FAM110B: variants seen among roughly 807,000 people sequenced by gnomAD.
FAM110B encodes protein FAM110B.
Under a neutral mutation model 20.4 loss-of-function variants are expected in FAM110B, and 6 were observed. The ratio of observed to expected loss-of-function variants is 0.29; its 90% CI spans 0.16 to 0.58. FAM110B has a LOEUF of 0.58. Ranked by LOEUF, FAM110B falls within the 20% of genes least tolerant of loss-of-function variation. The pLI is 0.90. For missense variants in FAM110B, 434 were observed against 498.2 expected (o/e 0.87, Z 1.23); for synonymous variants, 226 against 214.1 (o/e 1.06, Z -0.49).
intron 3 of FAM110B, among the ~76,000 whole-genome samples, chr8:58,145,214 C>T (rs1449527584): frequency 6.6e-6 from 1 of 151,712 alleles, no homozygotes; most frequent in African/African-American, 2.4e-5. Context: ...AAAAAATAAG[C>T]TTGTGTTTAA....
At chr8:57,996,748 G>T (rs1263657390) in intron 1 of FAM110B, among the ~76,000 whole-genome samples, 1 of 152,174 alleles carries the variant, frequency 6.6e-6, no homozygotes, top group Non-Finnish European at 1.5e-5. Flanking sequence ...ATTCCCAATG[G>T]AAAGAACCGT....
At chr8:57,999,897 G>A (rs1804258703) in intron 1 of FAM110B, among the ~76,000 whole-genome samples, 1 of 152,058 alleles carries the variant, frequency 6.6e-6, no homozygotes, top group Non-Finnish European at 1.5e-5. Context: ...GGGCATGTGT[G>A]GGACTAAATA....
At chr8:58,012,447 T>C (rs1804557428) in intron 1 of FAM110B, among the ~76,000 whole-genome samples, 1 of 152,170 alleles carries the variant, frequency 6.6e-6, no homozygotes, top group Non-Finnish European at 1.5e-5. Context: ...TGGGCAATGT[T>C]TTAATCTTTA....
intron 3 of FAM110B, among the ~76,000 whole-genome samples, chr8:58,144,628 A>C (rs548042389): frequency 6.6e-6 from 1 of 152,236 alleles, no homozygotes; most frequent in African/African-American, 2.4e-5. Flanking sequence ...ATACCAGCAG[A>C]TGTGGTTGTA....
intron 3 of FAM110B, among the ~76,000 whole-genome samples, chr8:58,116,094 A>G (rs913661370): frequency 6.6e-6 from 1 of 152,220 alleles, no homozygotes; most frequent in Non-Finnish European, 1.5e-5. Flanking sequence ...ATACATACGT[A>G]CATACATACA....
At chr8:58,082,487 T>C (rs577113715) in intron 3 of FAM110B, among the ~76,000 whole-genome samples, 1 of 152,352 alleles carries the variant, frequency 6.6e-6, no homozygotes, top group East Asian at 1.9e-4. Flanking sequence ...GAGTTCCTTA[T>C]GACTGTGAGC....
intron 1 of FAM110B, among the ~76,000 whole-genome samples, chr8:58,027,611 C>T (rs982185436): frequency 7.9e-5 from 12 of 152,170 alleles, no homozygotes; most frequent in Non-Finnish European, 1.6e-4. Flanking sequence ...TCCCTTCCCC[C>T]ACACTGTGAC....
At chr8:58,043,399 A>G (rs1353696161) in intron 2 of FAM110B, 3 of 150,834 alleles carry the variant, frequency 2.0e-5, no homozygotes, top group Non-Finnish European at 4.4e-5. Context: ...TCTGCTGAAA[A>G]CTTCCCTGTT....
intron 3 of FAM110B, among the ~76,000 whole-genome samples, chr8:58,094,233 C>A (rs574740233): frequency 2.6e-5 from 4 of 152,226 alleles, no homozygotes; most frequent in African/African-American, 9.6e-5. Flanking sequence ...ATTTCAATAC[C>A]CTTTATTTCT....
In FAM110B at chr8:58,028,755, G is replaced by A. The variant is rs536917120; in HGVS notation, c.-511-2851G>A. On this transcript the variant is annotated intron_variant, in intron 1 of 3. Transcript: ENST00000519262. ...TGCATGTGTGCTTTTTTGGGCATGCGTAGAGGAGTTCTTCTGTCATCTGTT... is the reference window on the plus strand; with the variant it reads ...TGCATGTGTGCTTTTTTGGGCATGCATAGAGGAGTTCTTCTGTCATCTGTT... 5.9e-5 allele frequency among the ~76,000 whole-genome samples: 9 copies of A among 152,272 alleles called. No homozygotes were observed. The East Asian group carries it at 1.2e-3, about 20-fold the overall frequency.
At chr8:58,118,543 C>T (rs1269854027) in intron 3 of FAM110B, among the ~76,000 whole-genome samples, 1 of 152,168 alleles carries the variant, frequency 6.6e-6, no homozygotes, top group Non-Finnish European at 1.5e-5. Context: ...CAGATGCTTA[C>T]TTCTAAGGCA....
chr8:58,014,211 C>T (rs1804595294), intron 1 of FAM110B, among the ~76,000 whole-genome samples: 1 of 152,136 alleles, frequency 6.6e-6, no homozygotes, highest in Admixed American at 6.5e-5. Context: ...CCTGGGCCTC[C>T]CTCTGCCTAG....
At chr8:58,021,908 C>T (rs763187718) in intron 1 of FAM110B, among the ~76,000 whole-genome samples, 16 of 152,142 alleles carry the variant, frequency 1.1e-4, no homozygotes, top group Non-Finnish European at 1.8e-4. Flanking sequence ...GTTCAATCTG[C>T]GGTGAAACCT....
At chr8:58,127,692 C>G (rs1807543603) in intron 3 of FAM110B, among the ~76,000 whole-genome samples, 1 of 152,152 alleles carries the variant, frequency 6.6e-6, no homozygotes, top group Admixed American at 6.5e-5. Context: ...GTTAAAAATA[C>G]TATACCATTT....
intron 2 of FAM110B, among the ~76,000 whole-genome samples, chr8:58,042,841 A>G (rs182782456): frequency 7.1e-4 from 108 of 152,344 alleles, no homozygotes; most frequent in African/African-American, 2.5e-3. Context: ...GCAAATTAAC[A>G]TGCCAGGACT....
chr8:58,018,821 G>A (rs1219514327), intron 1 of FAM110B, among the ~76,000 whole-genome samples: 1 of 151,416 alleles, frequency 6.6e-6, no homozygotes, highest in Admixed American at 6.6e-5. Flanking sequence ...TAGATAGATA[G>A]ATAGATAGAT....
In FAM110B at chr8:58,147,911, A is replaced by T. The variant is rs1339973042; in HGVS notation, c.*568A>T. 1 of 169,714 alleles carries T rather than the reference A, an allele frequency of 5.9e-6. No individual in the cohort carries two copies. The highest frequency in any genetic ancestry group is 2.0e-4 in the South Asian group (1 of 5,022). The allele number at this position is 169,714 out of a possible 1,614,324, so 10.5% of individuals were successfully genotyped here. A position where few individuals can be genotyped will look rare whatever the true frequency, so the allele number is the denominator to read the frequency against. ...TCTCTTGCCACTTAGTGAAGCAGTC[A>T]TTGGGGTAACAATGCTACGTTTTGT... On this transcript the variant is annotated 3_prime_UTR_variant, in exon 4 of 4. Coordinates refer to ENST00000519262, the MANE Select transcript of FAM110B (RefSeq NM_001377989.1).
chr8:58,143,466 A>T (rs576722526), intron 3 of FAM110B, among the ~76,000 whole-genome samples: 2 of 152,358 alleles, frequency 1.3e-5, no homozygotes, highest in Non-Finnish European at 2.9e-5. Context: ...GAAGTATGAA[A>T]TACTTGCAGA....
intron 2 of FAM110B, among the ~76,000 whole-genome samples, chr8:58,059,988 A>C (rs9694113): frequency 0.062 from 9,401 of 152,196 alleles, 411 homozygotes; most frequent in African/African-American, 0.11. Flanking sequence ...TTTATTGAAA[A>C]TACTTTAAAT....
Sources: allele counts gnomAD v4.1 joint callset (sites outside exome capture counted in the v4.1 genomes callset), GRCh38; gene constraint gnomAD v4.1.1; transcripts MANE v1.5; gene names NCBI Gene and HGNC (gene_info 2026-07-23, HGNC 2026-07-21).